ZBTB16: variants seen among roughly 807,000 people sequenced by gnomAD.
ZBTB16 encodes zinc finger and BTB domain containing 16.
In ZBTB16, 8 loss-of-function variants were observed where a neutral mutation model predicts 56.8. The ratio of observed to expected loss-of-function variants is 0.14; its 90% CI spans 0.08 to 0.25. ZBTB16 has a LOEUF of 0.25. Ranked by LOEUF, ZBTB16 falls within the 10% of genes least tolerant of loss-of-function variation. The probability of loss-of-function intolerance (pLI) is 1.00; values close to 1 mark genes in which losing one functional copy is unlikely to be tolerated. For missense variants in ZBTB16, 625 were observed against 903.0 expected, an observed-to-expected ratio of 0.69 and a Z score of 3.95; for synonymous variants, 363 against 368.5, an observed-to-expected ratio of 0.98 and a Z score of 0.17.
chr11:114,184,208 TAGAG>T (rs1280283628), intron 3 of ZBTB16, among the ~76,000 whole-genome samples: 1 of 152,214 alleles, frequency 6.6e-6, no homozygotes, highest in Non-Finnish European at 1.5e-5. Context: ...GTCAGTGAGA[TAGAG>T]AAAGTCGATA....
In ZBTB16 at chr11:114,186,984, G is replaced by T. The variant is rs753275180; in HGVS notation, c.1399G>T (p.Gly467Cys). The T allele has an allele frequency of 1.9e-6, 3 of 1,613,998 alleles. No homozygotes were observed. Among genetic ancestry groups the T allele is most frequent in the Non-Finnish European group, 2.5e-6 (3 of 1,179,976 alleles). ...CAAAGCCTTTGTCTGTGATCAGTGC[G>T]GTGCACAGTTTTCGAAGGAGGATGC... ...GAKAFVCDQC[G>C]AQFSKEDALE... Residue 467 changes from glycine to cysteine, a missense_variant, in exon 4 of 7, where the codon GGT becomes TGT. Gly to Cys is a radical substitution (Grantham distance 159). Coordinates refer to ENST00000335953, the MANE Select transcript of ZBTB16 (RefSeq NM_006006.6).
intron 2 of ZBTB16, among the ~76,000 whole-genome samples, chr11:114,153,250 T>A (rs1942320816): frequency 6.6e-6 from 1 of 152,234 alleles, no homozygotes; most frequent in East Asian, 1.9e-4. Context: ...CTGGGCTCTG[T>A]TGAACTCCCA....
chr11:114,145,275 A>G lies in ZBTB16; in HGVS notation c.1269-11062A>G, dbSNP rs1349517099. Among the ~76,000 whole-genome samples, 87 of 152,264 alleles carry G rather than the reference A, an allele frequency of 5.7e-4. 1 individual carries two copies. Among genetic ancestry groups the G allele is most frequent in the Admixed American group, 5.7e-3 (87 of 15,284 alleles). On this transcript the variant is annotated intron_variant, in intron 2 of 6. Coordinates refer to ENST00000335953, the MANE Select transcript of ZBTB16 (RefSeq NM_006006.6). ...CTGGCAGTTCCTTAAAAGGTTAAAC[A>G]TAGAGTTACCATATGAGCTGGCAAT... is the stretch of plus-strand genomic sequence containing the variant.
At position 114,063,927 on chromosome 11, in the gene ZBTB16, A is replaced by G. The variant is rs773906781; in HGVS notation, c.627A>G (p.Ile209Met). ...CTGCAGTGGACAGTTTGATGACCATAGGACAGTCTCTCCTGCAGGGAACTC... is the reference window on the plus strand; with the variant it reads ...CTGCAGTGGACAGTTTGATGACCATGGGACAGTCTCTCCTGCAGGGAACTC... ...TKAAVDSLMT[I>M]GQSLLQGTLQ... The change falls in exon 2 of 7, where the codon ATA (isoleucine) becomes ATG (methionine). Residue 209 changes from isoleucine to methionine, a missense_variant. Coordinates refer to ENST00000335953, the MANE Select transcript of ZBTB16 (RefSeq NM_006006.6). This position sits in a 1 kb window ranked among gnomAD's most constrained non-coding sequence, Gnocchi z 6.5. 3 of 1,613,762 alleles carry G rather than the reference A, an allele frequency of 1.9e-6. No homozygotes were observed. In the Admixed American group the frequency reaches 5.0e-5, roughly 27 times the overall value.
chr11:114,152,450 C>T (rs910629848), intron 2 of ZBTB16, among the ~76,000 whole-genome samples: 34 of 152,242 alleles, frequency 2.2e-4, no homozygotes, highest in African/African-American at 8.2e-4. Flanking sequence ...TTGAATTTCT[C>T]ATAATGATTC....
At chr11:114,104,438 T>C (rs1940719133) in intron 2 of ZBTB16, among the ~76,000 whole-genome samples, 1 of 152,200 alleles carries the variant, frequency 6.6e-6, no homozygotes, top group Non-Finnish European at 1.5e-5. Context: ...CTATCTCTGC[T>C]TTGCCTTTTC....
At chr11:114,220,594 A>G (rs898244224) in intron 4 of ZBTB16, among the ~76,000 whole-genome samples, 1 of 152,250 alleles carries the variant, frequency 6.6e-6, no homozygotes, top group Non-Finnish European at 1.5e-5. Context: ...CTACCAGGGC[A>G]GGGACTGTGT....
chr11:114,118,565 T>C (rs1028281517), intron 2 of ZBTB16, among the ~76,000 whole-genome samples: 7 of 152,216 alleles, frequency 4.6e-5, no homozygotes, highest in African/African-American at 1.7e-4. Flanking sequence ...TTATTTAATT[T>C]ATTTACCTAT....
chr11:114,179,404 G>C (rs917916608), intron 3 of ZBTB16, among the ~76,000 whole-genome samples: 16 of 152,150 alleles, frequency 1.1e-4, no homozygotes, highest in African/African-American at 3.6e-4. Context: ...TCTGATAAGA[G>C]GTACTGTAAA....
chr11:114,209,480 C>G, intron 4 of ZBTB16: 1 of 985,318 alleles, frequency 1.0e-6, no homozygotes, highest in Non-Finnish European at 1.2e-6. Context: ...CCCAGAGGCC[C>G]CTCTCCCCAG....
chr11:114,092,345 GT>G lies in ZBTB16; in HGVS notation c.1268+27780del, dbSNP rs138939299. Among the ~76,000 whole-genome samples the G allele has an allele frequency of 5.1e-4, 78 of 152,322 alleles. No homozygotes were observed. In the East Asian group the frequency reaches 0.014, roughly 28 times the overall value. On this transcript the variant is annotated intron_variant, in intron 2 of 6. Transcript: ENST00000335953. ...CCTCTAGGATTGTGAGCAAGTGCCT[GT>G]TTAGACAGCTCCACGCTGCTCCTTA...
chr11:114,073,898 C>G (rs1329623517), intron 2 of ZBTB16, among the ~76,000 whole-genome samples: 1 of 152,170 alleles, frequency 6.6e-6, no homozygotes, highest in African/African-American at 2.4e-5. Flanking sequence ...TTGCTGAGAA[C>G]AAGTCAAATG....
intron 4 of ZBTB16, among the ~76,000 whole-genome samples, chr11:114,227,256 C>T (rs962136433): frequency 7.3e-5 from 11 of 150,780 alleles, no homozygotes; most frequent in African/African-American, 2.7e-4. Flanking sequence ...ATCAGGTATC[C>T]CCCACCTGTG....
intron 2 of ZBTB16, among the ~76,000 whole-genome samples, chr11:114,148,513 A>G (rs187922123): frequency 1.8e-3 from 223 of 126,962 alleles, no homozygotes; most frequent in African/African-American, 5.9e-3. Context: ...TTCCTTTCTT[A>G]GATGGAGTCT....
chr11:114,086,165 C>T (rs1453392571), intron 2 of ZBTB16, among the ~76,000 whole-genome samples: 1 of 152,162 alleles, frequency 6.6e-6, no homozygotes, highest in Non-Finnish European at 1.5e-5. Context: ...CATGCTGTAC[C>T]CTTTGCAAAC....
chr11:114,180,362 C>A (rs1943219155), intron 3 of ZBTB16, among the ~76,000 whole-genome samples: 1 of 152,176 alleles, frequency 6.6e-6, no homozygotes, highest in South Asian at 2.1e-4. Context: ...AAACTCAGTG[C>A]CTGGGGTAGG....
In ZBTB16 at chr11:114,128,798, G is replaced by C. The variant is rs184506491; in HGVS notation, c.1269-27539G>C. On this transcript the variant is annotated intron_variant, in intron 2 of 6. Coordinates refer to ENST00000335953, the MANE Select transcript of ZBTB16 (RefSeq NM_006006.6). ...GTGCCTTCCCTAGAGGTGGGCACAC[G>C]TCTGTCACCTGCCCCTGATGTGCTA... Among the ~76,000 whole-genome samples, 4 of 152,180 alleles carry C rather than the reference G, an allele frequency of 2.6e-5. No homozygotes were observed. The East Asian group carries it at 7.7e-4, about 29-fold the overall frequency.
intron 3 of ZBTB16, among the ~76,000 whole-genome samples, chr11:114,179,508 C>T (rs983767003): frequency 4.6e-5 from 7 of 152,148 alleles, no homozygotes; most frequent in African/African-American, 1.7e-4. Flanking sequence ...TGTTTTGGTA[C>T]ACTCTGTACT....
intron 2 of ZBTB16, among the ~76,000 whole-genome samples, chr11:114,142,051 A>T (rs1941963695): frequency 6.6e-6 from 1 of 152,186 alleles, no homozygotes; most frequent in South Asian, 2.1e-4. Flanking sequence ...TGTGCTCAGG[A>T]AATGCTTAAT....
Sources: gnomAD v4.1 joint callset for allele counts (sites outside exome capture counted in the v4.1 genomes callset) on GRCh38, gnomAD v4.1.1 for gene constraint, Gnocchi (gnomAD v3.1) non-coding constraint, MANE v1.5 for transcripts, NCBI Gene and HGNC (gene_info 2026-07-23, HGNC 2026-07-21) for gene names.